PPP1CC: variants seen among roughly 807,000 people sequenced by gnomAD.
PPP1CC encodes protein phosphatase 1 catalytic subunit gamma.
In PPP1CC, 16 loss-of-function variants were observed where a neutral mutation model predicts 38.4. The observed-to-expected ratio is 0.42, with a 90% confidence interval of 0.28 to 0.63. The LOEUF is 0.63. Ranked by LOEUF, PPP1CC falls within the 30% of genes least tolerant of loss-of-function variation. PPP1CC has a pLI of 0.25. For missense variants in PPP1CC, 170 were observed against 391.3 expected, an observed-to-expected ratio of 0.43 and a Z score of 4.77; for synonymous variants, 158 against 136.0, an observed-to-expected ratio of 1.16 and a Z score of -1.13.
chr12:110,730,639 G>A lies in PPP1CC; in HGVS notation c.308C>T (p.Thr103Met), dbSNP rs1322314910. 1.9e-6 allele frequency: 3 copies of A among 1,614,108 alleles called. No homozygotes were observed. The highest frequency in any genetic ancestry group is 1.7e-5 in the Admixed American group (1 of 60,016). Reference sequence around the variant, plus strand: ...TTTGTAGGCCAGTAAGAGGCAGATCGTCTCCAATGACTGCTTTCCCCTGTC... The same window carrying A: ...TTTGTAGGCCAGTAAGAGGCAGATCATCTCCAATGACTGCTTTCCCCTGTC... ...YVDRGKQSLE[T>M]ICLLLAYKIK... The change falls in exon 3 of 7, where the codon ACG becomes ATG. Residue 103 changes from threonine (T) to methionine (M), a missense_variant. Transcript: ENST00000335007.
chr12:110,742,785 C>T lies in PPP1CC; in HGVS notation c.-78G>A, dbSNP rs926439739. 2.5e-6 allele frequency: 3 copies of T among 1,211,496 alleles called. 1 individual carries two copies. Among genetic ancestry groups the T allele is most frequent in the Non-Finnish European group, 3.2e-6 (3 of 936,350 alleles). 75.0% of individuals were successfully genotyped at this position (1,211,496 alleles called of 1,614,324 possible). ...GGGACTCACACCTCCTTTCCCACGC[C>T]ACGAGCAGAGGCGGTGGTGGCGGCG... On this transcript the variant is annotated 5_prime_UTR_variant, in exon 1 of 7. Transcript: ENST00000335007.
chr12:110,742,241 G>A (rs767984092), intron 1 of PPP1CC, among the ~76,000 whole-genome samples: 29 of 151,276 alleles, frequency 1.9e-4, no homozygotes, highest in Admixed American at 5.2e-4. Context: ...CTTCCGAGAG[G>A]ACGAGCACCG....
chr12:110,715,477 T>C (rs1352718655), downstream of PPP1CC, among the ~76,000 whole-genome samples: 1 of 151,758 alleles, frequency 6.6e-6, no homozygotes, highest in Non-Finnish European at 1.5e-5. Context: ...TGCACCACCA[T>C]GCCTGGCTAA....
chr12:110,731,318 G>T (rs1466429300), intron 2 of PPP1CC, among the ~76,000 whole-genome samples: 1 of 151,408 alleles, frequency 6.6e-6, no homozygotes, highest in Non-Finnish European at 1.5e-5. Flanking sequence ...TATGCTATAA[G>T]AATATATTAC....
intron 1 of PPP1CC, chr12:110,734,776 C>T (rs1187950408): frequency 6.5e-6 from 1 of 153,568 alleles, no homozygotes; most frequent in East Asian, 2.0e-4. Flanking sequence ...TTAAATTTCA[C>T]GTTGAATTGT....
Position 110,720,004 on chromosome 12 carries a change from G to T in PPP1CC, c.*1072C>A. On this transcript the variant is annotated 3_prime_UTR_variant, in exon 7 of 7. Coordinates refer to ENST00000335007, the MANE Select transcript of PPP1CC (RefSeq NM_002710.4). ...CAGATTTCTTTTTTAACAGATCTTA[G>T]TTTAAAAAAGTCATAGGTACTGTGA... 1 of 731,348 alleles carries T rather than the reference G, an allele frequency of 1.4e-6. No homozygotes were observed. The highest frequency in any genetic ancestry group is 2.2e-6 in the Non-Finnish European group (1 of 458,086). 45.3% of individuals were successfully genotyped at this position (731,348 alleles called of 1,614,324 possible). A position where few individuals can be genotyped will look rare whatever the true frequency, so the allele number is the denominator to read the frequency against.
chr12:110,742,641 C>G lies in PPP1CC; in HGVS notation c.55+12G>C, dbSNP rs747329031. 6.8e-7 allele frequency: 1 copy of G among 1,460,052 alleles called. No individual in the cohort carries two copies. The highest frequency in any genetic ancestry group is 9.1e-7 in the Non-Finnish European group (1 of 1,100,688). The allele number at this position is 1,460,052 out of a possible 1,614,324, so 90.4% of individuals were successfully genotyped here. On this transcript the variant is annotated intron_variant, in intron 1 of 6. Transcript: ENST00000335007. ...CCCGCCTCCCCCTTCAGCCGCCCGC[C>G]GCCCCCCTTACCTTCCAGCAGCCGT...
Position 110,720,228 on chromosome 12 carries a change from T to G in PPP1CC, c.*848A>C, listed in dbSNP as rs1338560256. 2.6e-6 allele frequency: 4 copies of G among 1,515,864 alleles called. No individual in the cohort carries two copies. The highest frequency in any genetic ancestry group is 1.9e-5 in the Admixed American group (1 of 51,314). 93.9% of individuals were successfully genotyped at this position (1,515,864 alleles called of 1,614,324 possible). On this transcript the variant is annotated 3_prime_UTR_variant, in exon 7 of 7. Coordinates refer to ENST00000335007, the MANE Select transcript of PPP1CC (RefSeq NM_002710.4). ...AACTGTAAAAAGATTACTTAATGAATAGACTATATGGAAATTGTATAAAAT... is the reference window on the plus strand; with the variant it reads ...AACTGTAAAAAGATTACTTAATGAAGAGACTATATGGAAATTGTATAAAAT...
At chr12:110,723,521 AT>A (rs1360843750) in intron 4 of PPP1CC, among the ~76,000 whole-genome samples, 1 of 152,196 alleles carries the variant, frequency 6.6e-6, no homozygotes, top group Non-Finnish European at 1.5e-5. Flanking sequence ...ATATGTATAT[AT>A]TTTCAGAGAT....
downstream of PPP1CC, among the ~76,000 whole-genome samples, chr12:110,717,910 C>T (rs1299230831): frequency 6.6e-6 from 1 of 152,190 alleles, no homozygotes; most frequent in Non-Finnish European, 1.5e-5. Context: ...CAGCACTTCC[C>T]TGCAATGGTT....
the PPP1CC span, among the ~76,000 whole-genome samples, chr12:110,712,691 T>C: frequency 2.3e-5 from 3 of 130,600 alleles, no homozygotes; most frequent in African/African-American, 8.6e-5. Flanking sequence ...ATCCCCTTGA[T>C]GAAAAACCCT....
downstream of PPP1CC, among the ~76,000 whole-genome samples, chr12:110,714,952 A>G (rs914167480): frequency 3.3e-5 from 5 of 151,748 alleles, no homozygotes; most frequent in Non-Finnish European, 5.9e-5. Flanking sequence ...TCTTCTGCCA[A>G]CCTCAGCAAA....
chr12:110,719,279 A>G (rs2136534612), downstream of PPP1CC, among the ~76,000 whole-genome samples: 1 of 152,274 alleles, frequency 6.6e-6, no homozygotes, highest in East Asian at 1.9e-4. Flanking sequence ...CAGGGTCCAG[A>G]TGCCTCAGGA....
chr12:110,712,692 G>A, the PPP1CC span, among the ~76,000 whole-genome samples: 1 of 111,958 alleles, frequency 8.9e-6, no homozygotes, highest in Non-Finnish European at 1.9e-5. Context: ...TCCCCTTGAT[G>A]AAAAACCCTG....
At chr12:110,742,528 G>A (rs985905807) in intron 1 of PPP1CC, 125 bp downstream of exon 1, 2 of 783,462 alleles carry the variant, frequency 2.6e-6, no homozygotes, top group South Asian at 3.9e-5. Context: ...GGGCCAACTC[G>A]AGGAGCTCAC....
In PPP1CC at chr12:110,720,309, C is replaced by T; in HGVS notation, c.*767G>A. ...CAGCACTATATCACTAATTGCTATT[C>T]AAAATCAAAAACCTGTTTTTGAATC... On this transcript the variant is annotated 3_prime_UTR_variant, in exon 7 of 7. Transcript: ENST00000335007. The T allele has an allele frequency of 2.0e-6, 2 of 1,007,488 alleles. No individual in the cohort carries two copies. Among genetic ancestry groups the T allele is most frequent in the Non-Finnish European group, 2.9e-6 (2 of 687,152 alleles). 62.4% of individuals were successfully genotyped at this position (1,007,488 alleles called of 1,614,324 possible). A position where few individuals can be genotyped will look rare whatever the true frequency, so the allele number is the denominator to read the frequency against.
chr12:110,714,917 G>A (rs2069676942), downstream of PPP1CC, among the ~76,000 whole-genome samples: 1 of 150,860 alleles, frequency 6.6e-6, no homozygotes, highest in Admixed American at 6.6e-5. Context: ...TGGTGAATGA[G>A]CAAAGCCCCA....
At chr12:110,727,749 A>G (rs969216088) in intron 3 of PPP1CC, among the ~76,000 whole-genome samples, 42 of 152,160 alleles carry the variant, frequency 2.8e-4, no homozygotes, top group Non-Finnish European at 1.5e-5. Context: ...AGTATTTTAT[A>G]TATATATTAA....
chr12:110,733,340 G>A (rs2069903233), intron 1 of PPP1CC, among the ~76,000 whole-genome samples: 1 of 152,176 alleles, frequency 6.6e-6, no homozygotes, highest in Non-Finnish European at 1.5e-5. Flanking sequence ...CCACACTTAT[G>A]AATGAATAGC....
Sources: allele counts gnomAD v4.1 joint callset (sites outside exome capture counted in the v4.1 genomes callset), GRCh38; gene constraint gnomAD v4.1.1; transcripts MANE v1.5; gene names NCBI Gene and HGNC (gene_info 2026-07-23, HGNC 2026-07-21).